The following CPQ variants were observed in gnomAD, a reference collection of about 807,000 sequenced individuals.
CPQ encodes the protein Ser-Met dipeptidase.
Under a neutral mutation model 45.7 loss-of-function variants are expected in CPQ, and 37 were observed. That is an observed-to-expected ratio of 0.81 (90% confidence interval 0.62 to 1.07). CPQ has a LOEUF of 1.07. Ranked by LOEUF, CPQ falls within the 50% of genes least tolerant of loss-of-function variation. The pLI is 0.00. For synonymous variants in CPQ, 186 were observed against 205.8 expected (o/e 0.90, Z 0.82); for missense variants, 537 against 572.9 (o/e 0.94, Z 0.64).
chr8:97,142,992 C>A lies in CPQ; in HGVS notation c.1256-28C>A, dbSNP rs773244072. On this transcript the variant is annotated intron_variant, in intron 7 of 7. Coordinates refer to ENST00000220763, the MANE Select transcript of CPQ (RefSeq NM_016134.4). ...CAGCAGTGTCTGTCAAAATACTCCA[C>A]TAAGAATTCTTCCTCTTTTATCCCC... The A allele has an allele frequency of 1.9e-6, 3 of 1,610,664 alleles. No individual in the cohort carries two copies. In the African/African-American group the frequency reaches 4.0e-5, roughly 22 times the overall value.
intron 5 of CPQ, among the ~76,000 whole-genome samples, chr8:96,987,494 C>T (rs1289616161): frequency 2.6e-5 from 4 of 152,180 alleles, no homozygotes; most frequent in East Asian, 1.9e-4. Flanking sequence ...AGAAGCAGAG[C>T]CTGCTCAGGG....
At chr8:96,763,035 T>C (rs1323438056) in intron 1 of CPQ, among the ~76,000 whole-genome samples, 1 of 152,152 alleles carries the variant, frequency 6.6e-6, no homozygotes, top group Non-Finnish European at 1.5e-5. Context: ...GCCTCTCTTC[T>C]TGCCTTATAG....
At chr8:97,046,432 T>C (rs566360747) in intron 6 of CPQ, among the ~76,000 whole-genome samples, 1 of 152,304 alleles carries the variant, frequency 6.6e-6, no homozygotes, top group Admixed American at 6.5e-5. Context: ...TCAAAATCCA[T>C]TTCCAAAGAG....
At chr8:96,955,219 G>A (rs1429911319) in intron 4 of CPQ, among the ~76,000 whole-genome samples, 2 of 152,136 alleles carry the variant, frequency 1.3e-5, no homozygotes, top group Non-Finnish European at 2.9e-5. Context: ...CACCAACAGT[G>A]TAAAAGTGTT....
Position 96,817,696 on chromosome 8 carries a change from CT to C in CPQ, c.434-17275del, listed in dbSNP as rs559365224. ...TGGTGCAATCCTGGCTCACTGCAGC[CT>C]TGATCTCCCAGGCTCAAGCAATCCT... On this transcript the variant is annotated intron_variant, in intron 2 of 7. Coordinates refer to ENST00000220763, the MANE Select transcript of CPQ (RefSeq NM_016134.4). 2.0e-3 allele frequency among the ~76,000 whole-genome samples: 297 copies of C among 152,072 alleles called. 3 individuals carry two copies. The highest frequency in any genetic ancestry group is 3.2e-3 in the Non-Finnish European group (217 of 67,976).
At chr8:96,908,462 G>A (rs1396661837) in intron 4 of CPQ, among the ~76,000 whole-genome samples, 1 of 152,058 alleles carries the variant, frequency 6.6e-6, no homozygotes. Context: ...GCTTGGACAG[G>A]TTCATGGATT....
At chr8:96,836,765 G>A (rs1811536229) in intron 3 of CPQ, among the ~76,000 whole-genome samples, 1 of 151,378 alleles carries the variant, frequency 6.6e-6, no homozygotes, top group African/African-American at 2.4e-5. Flanking sequence ...ATGATTTAAT[G>A]CACAGTAATT....
At chr8:96,822,190 A>T (rs183881938) in intron 2 of CPQ, among the ~76,000 whole-genome samples, 72 of 152,156 alleles carry the variant, frequency 4.7e-4, no homozygotes, top group African/African-American at 1.7e-3. Flanking sequence ...ACTTAACATA[A>T]TGGCCTTCAA....
At chr8:96,779,556 T>C (rs1810661047) in intron 1 of CPQ, among the ~76,000 whole-genome samples, 1 of 152,168 alleles carries the variant, frequency 6.6e-6, no homozygotes, top group Non-Finnish European at 1.5e-5. Context: ...CTTGATTAAC[T>C]TTCTATAAAG....
intron 7 of CPQ, among the ~76,000 whole-genome samples, chr8:97,128,557 C>T (rs779681774): frequency 6.6e-6 from 1 of 152,118 alleles, no homozygotes; most frequent in Admixed American, 6.5e-5. Flanking sequence ...TGGTAGCAGG[C>T]ACCTGTAATC....
At chr8:97,034,667 C>A (rs947122812) in intron 6 of CPQ, among the ~76,000 whole-genome samples, 1 of 152,108 alleles carries the variant, frequency 6.6e-6, no homozygotes, top group African/African-American at 2.4e-5. Context: ...TATAGCATTC[C>A]TATTACCCTA....
intron 4 of CPQ, among the ~76,000 whole-genome samples, chr8:96,890,510 A>G (rs1227984451): frequency 6.6e-6 from 1 of 152,198 alleles, no homozygotes; most frequent in African/African-American, 2.4e-5. Context: ...CCCATTGACC[A>G]TAATCACAAG....
At chr8:97,099,170 T>C (rs1380231144) in intron 7 of CPQ, among the ~76,000 whole-genome samples, 3 of 114,304 alleles carry the variant, frequency 2.6e-5, no homozygotes, top group Non-Finnish European at 5.0e-5. Context: ...CGTTGCCCAC[T>C]ACCAGGCTGG....
chr8:96,978,278 A>G (rs1366323629), intron 5 of CPQ, among the ~76,000 whole-genome samples: 2 of 152,208 alleles, frequency 1.3e-5, no homozygotes, highest in Non-Finnish European at 2.9e-5. Context: ...ATCAGTTTAC[A>G]TAGACATTTC....
At chr8:97,056,101 AACACACAC>A (rs34266303) in intron 6 of CPQ, among the ~76,000 whole-genome samples, 2 of 146,338 alleles carry the variant, frequency 1.4e-5, no homozygotes, top group African/African-American at 2.5e-5. Context: ...CCTATCTCAA[AACACACAC>A]ACACACACAC....
intron 1 of CPQ, among the ~76,000 whole-genome samples, chr8:96,771,106 T>C (rs1020636285): frequency 6.9e-6 from 1 of 144,452 alleles, no homozygotes; most frequent in South Asian, 2.1e-4. Context: ...TATATATAAA[T>C]ATATATATTT....
chr8:97,027,583 T>C (rs187730604), intron 5 of CPQ, among the ~76,000 whole-genome samples: 1 of 152,362 alleles, frequency 6.6e-6, no homozygotes, highest in East Asian at 1.9e-4. Flanking sequence ...AGCTAGTGCC[T>C]AATGATAGCA....
chr8:96,841,900 A>C (rs1411254695), intron 3 of CPQ, among the ~76,000 whole-genome samples: 4 of 152,196 alleles, frequency 2.6e-5, no homozygotes, highest in Admixed American at 2.6e-4. Flanking sequence ...CTCTATAATG[A>C]TACTTAATTA....
intron 1 of CPQ, among the ~76,000 whole-genome samples, chr8:96,712,704 C>T (rs183304752): frequency 1.2e-4 from 18 of 152,316 alleles, no homozygotes; most frequent in African/African-American, 4.1e-4. Context: ...GGGCCCTGTA[C>T]ATGGCCCACA....
Sources: gnomAD v4.1 joint callset for allele counts (sites outside exome capture counted in the v4.1 genomes callset) on GRCh38, gnomAD v4.1.1 for gene constraint, MANE v1.5 for transcripts, NCBI Gene and HGNC (gene_info 2026-07-23, HGNC 2026-07-21) for gene names.